Variants in DENND4C observed in about 807,000 individuals in gnomAD.
DENND4C encodes DENN domain containing 4C, also known as DENN domain-containing protein 4C.
In DENND4C, 108 loss-of-function variants were observed where a neutral mutation model predicts 203.0. The observed-to-expected ratio is 0.53, with a 90% confidence interval of 0.46 to 0.62. The LOEUF (loss-of-function observed/expected upper bound fraction) is 0.62, where lower values mean the gene tolerates loss of function less well. Among genes scored for constraint, DENND4C ranks in the 20% least tolerant of loss-of-function variants. The pLI is 0.00. For synonymous variants in DENND4C, 871 were observed against 792.4 expected, an observed-to-expected ratio of 1.10 and a Z score of -1.67; for missense variants, 2,481 against 2,301.2, an observed-to-expected ratio of 1.08 and a Z score of -1.60.
intron 27 of DENND4C, 166 bp downstream of exon 27, chr9:19,357,320 ATGATAAACCAT>A: frequency 1.7e-6 from 1 of 590,020 alleles, no homozygotes. Flanking sequence ...AATGAATCTG[ATGATAAACCAT>A]TTTTGAACTA....
chr9:19,345,327 C>T (rs1263945054), intron 22 of DENND4C, among the ~76,000 whole-genome samples: 1 of 152,118 alleles, frequency 6.6e-6, no homozygotes, highest in Non-Finnish European at 1.5e-5. Context: ...TTTTATTTGC[C>T]TTTATATTCC....
intron 19 of DENND4C, 36 bp downstream of exon 19, chr9:19,336,450 A>G (rs751415890): frequency 6.3e-7 from 1 of 1,589,824 alleles, no homozygotes; most frequent in South Asian, 1.1e-5. Flanking sequence ...TTCCTTACTG[A>G]ACCATGAGCT....
At chr9:19,266,542 A>C (rs1050659189) in intron 1 of DENND4C, among the ~76,000 whole-genome samples, 2 of 152,238 alleles carry the variant, frequency 1.3e-5, no homozygotes, top group Non-Finnish European at 2.9e-5. Context: ...CAAAAGAACA[A>C]AGCTGGAGGC....
chr9:19,360,176 T>C lies in DENND4C; in HGVS notation c.5161-68T>C, dbSNP rs961553141. ...AAAAGGATAGAGAGGCATTATCTCA[T>C]TGAGAAGTGCTCTTGAGCATACAGA... On this transcript the variant is annotated intron_variant, in intron 28 of 32. Coordinates refer to ENST00000434457, the MANE Select transcript of DENND4C (RefSeq NM_001330640.2). The C allele has an allele frequency of 2.7e-5, 40 of 1,492,148 alleles. 1 individual carries two copies. In the African/African-American group the frequency reaches 4.2e-4, roughly 16 times the overall value. The allele number at this position is 1,492,148 out of a possible 1,614,324, so 92.4% of individuals were successfully genotyped here. A position where few individuals can be genotyped will look rare whatever the true frequency, so the allele number is the denominator to read the frequency against.
chr9:19,266,190 A>G (rs1281841618), intron 1 of DENND4C, among the ~76,000 whole-genome samples: 2 of 152,068 alleles, frequency 1.3e-5, no homozygotes, highest in East Asian at 3.8e-4. Context: ...TTTGATTTGC[A>G]TTTCTCTGAT....
At chr9:19,337,705 G>A in intron 20 of DENND4C, 1 of 1,246,236 alleles carries the variant, frequency 8.0e-7, no homozygotes. Flanking sequence ...AAATTTTGCT[G>A]ACCTGCAAGG....
intron 1 of DENND4C, among the ~76,000 whole-genome samples, chr9:19,263,476 C>T (rs1228660226): frequency 6.6e-6 from 1 of 151,832 alleles, no homozygotes; most frequent in Non-Finnish European, 1.5e-5. Context: ...CCTGCCTCAG[C>T]CTCCCAAGGA....
In DENND4C at chr9:19,350,693, C is replaced by A; in HGVS notation, c.4318-9C>A. 6.4e-7 allele frequency: 1 copy of A among 1,571,454 alleles called. No homozygotes were observed. The highest frequency in any genetic ancestry group is 8.6e-7 in the Non-Finnish European group (1 of 1,162,180). On this transcript the variant is annotated splice_polypyrimidine_tract_variant and intron_variant, in intron 23 of 32. Transcript: ENST00000434457. ...TTATGTATGTGGAATTTTTTTTTTTCAATTAAAGGAAGAAACTAATAGAGA... is the reference window on the plus strand; with the variant it reads ...TTATGTATGTGGAATTTTTTTTTTTAAATTAAAGGAAGAAACTAATAGAGA...
In DENND4C at chr9:19,305,535, G is replaced by C; in HGVS notation, c.1487+8G>C. ...TACGAACATGTTATATGTGTAAGTT[G>C]ATTCATTTTATATTATCTCCCATTT... On this transcript the variant is annotated splice_region_variant and intron_variant, in intron 10 of 32. Coordinates refer to ENST00000434457, the MANE Select transcript of DENND4C (RefSeq NM_001330640.2). 6.2e-7 allele frequency: 1 copy of C among 1,605,350 alleles called. No individual in the cohort carries two copies.
At chr9:19,287,294 G>A (rs185423644) in intron 3 of DENND4C, among the ~76,000 whole-genome samples, 63 of 152,324 alleles carry the variant, frequency 4.1e-4, no homozygotes, top group African/African-American at 1.5e-3. Flanking sequence ...TTGGATTTCA[G>A]TGGTGTCTTC....
chr9:19,250,583 T>C (rs1246753388), intron 1 of DENND4C, among the ~76,000 whole-genome samples: 1 of 152,114 alleles, frequency 6.6e-6, no homozygotes, highest in Non-Finnish European at 1.5e-5. Context: ...CAAAGTCTCA[T>C]CTGAGACAAG....
chr9:19,345,277 C>T (rs1332131970), intron 22 of DENND4C, among the ~76,000 whole-genome samples: 1 of 152,178 alleles, frequency 6.6e-6, no homozygotes, highest in East Asian at 1.9e-4. Context: ...TCTACCTGAT[C>T]AAATAAGACT....
At chr9:19,295,504 C>CA (rs987966105) in intron 5 of DENND4C, among the ~76,000 whole-genome samples, 18 of 146,034 alleles carry the variant, frequency 1.2e-4, no homozygotes, top group South Asian at 4.4e-4. Flanking sequence ...GACTCCATCT[C>CA]AAAAAAAAAG....
rs867882223 is a variant in DENND4C, at chr9:19,337,782, C to A, written c.2881+950C>A. ...GTGGTAAACAGTTTTCATTTTCTTG[C>A]CTTTTCTCCTTCAGATAAATGTAAT... On this transcript the variant is annotated intron_variant, in intron 20 of 32. Transcript: ENST00000434457. The A allele has an allele frequency of 3.2e-5, 16 of 500,732 alleles. No individual in the cohort carries two copies. The Middle Eastern group carries it at 3.4e-3, about 106-fold the overall frequency. The allele number at this position is 500,732 out of a possible 1,614,324, so 31.0% of individuals were successfully genotyped here.
At chr9:19,295,641 G>T (rs1837294958) in intron 5 of DENND4C, among the ~76,000 whole-genome samples, 1 of 148,270 alleles carries the variant, frequency 6.7e-6, no homozygotes, top group African/African-American at 2.5e-5. Context: ...CTGCACTCCA[G>T]CCTGGGCGAC....
chr9:19,269,659 A>G (rs1831220688), intron 1 of DENND4C, among the ~76,000 whole-genome samples: 1 of 152,120 alleles, frequency 6.6e-6, no homozygotes, highest in South Asian at 2.1e-4. Context: ...CCTTCTCTGT[A>G]TTATCTTGAA....
At position 19,360,468 on chromosome 9, in the gene DENND4C, A is replaced by AC; in HGVS notation, c.5386dup (p.His1796ProfsTer3). The AC allele has an allele frequency of 6.2e-7, 1 of 1,614,134 alleles. No homozygotes were observed. Among genetic ancestry groups the AC allele is most frequent in the Non-Finnish European group, 8.5e-7 (1 of 1,179,994 alleles). ...TGCCAGGACTTATCCTCACATCTGA[A>AC]CATTGTAATGAAGGTGTACAGGTAG... is the stretch of plus-strand genomic sequence containing the variant. On this transcript the variant is annotated frameshift_variant, in exon 29 of 33. Transcript: ENST00000434457. LOFTEE classifies it high-confidence loss of function.
In DENND4C at chr9:19,335,706, G is replaced by GA. The variant is rs1460230172; in HGVS notation, c.2590-562dup. Among the ~76,000 whole-genome samples, 3 of 152,058 alleles carry GA rather than the reference G, an allele frequency of 2.0e-5. No individual in the cohort carries two copies. The East Asian group carries it at 5.8e-4, about 29-fold the overall frequency. ...TGGGTTTCCTTTTTTATTTCAGGCT[G>GA]AATAGTATCTCGTTGTGTATATATA... On this transcript the variant is annotated intron_variant, in intron 18 of 32. Transcript: ENST00000434457.
At chr9:19,267,405 C>G (rs1830719433) in intron 1 of DENND4C, among the ~76,000 whole-genome samples, 1 of 152,142 alleles carries the variant, frequency 6.6e-6, no homozygotes, top group Admixed American at 6.6e-5. Context: ...TCTGTTTTAT[C>G]TGATACAAGT....
Sources: gnomAD v4.1 joint callset for allele counts (sites outside exome capture counted in the v4.1 genomes callset) on GRCh38, gnomAD v4.1.1 for gene constraint, MANE v1.5 for transcripts, NCBI Gene and HGNC (gene_info 2026-07-23, HGNC 2026-07-21) for gene names.